HSD17B3: variants seen among roughly 807,000 people sequenced by gnomAD.
HSD17B3 encodes 17-beta-hydroxysteroid dehydrogenase type 3.
In HSD17B3, 29 loss-of-function variants were observed where a neutral mutation model predicts 41.1. The ratio of observed to expected loss-of-function variants is 0.71; its 90% CI spans 0.53 to 0.96. The LOEUF is 0.96. Among genes scored for constraint, HSD17B3 ranks in the 40% least tolerant of loss-of-function variants. HSD17B3 has a pLI of 0.00. For synonymous variants in HSD17B3, 126 were observed against 145.6 expected (o/e 0.87, Z 0.97); for missense variants, 323 against 374.6 (o/e 0.86, Z 1.14).
chr9:96,245,711 A>T (rs1302040068), intron 7 of HSD17B3, among the ~76,000 whole-genome samples: 1 of 152,170 alleles, frequency 6.6e-6, no homozygotes, highest in Non-Finnish European at 1.5e-5. Flanking sequence ...GCTGTGCTAC[A>T]ACTGAGGTCT....
At chr9:96,245,158 G>A (rs906342235) in intron 8 of HSD17B3, among the ~76,000 whole-genome samples, 187 bp downstream of exon 8, 4 of 152,320 alleles carry the variant, frequency 2.6e-5, no homozygotes, top group African/African-American at 9.6e-5. Context: ...GCAGGGCTTC[G>A]TGTGCCCAGA....
intron 7 of HSD17B3, among the ~76,000 whole-genome samples, 181 bp from the exon 8 acceptor site, chr9:96,245,607 G>A (rs570933525): frequency 1.4e-4 from 21 of 152,226 alleles, no homozygotes; most frequent in Admixed American, 1.2e-3. Context: ...CCTGGAGGGC[G>A]CCACACAGAG....
chr9:96,246,410 T>C (rs1183022324), intron 7 of HSD17B3, 146 bp downstream of exon 7: 5 of 765,016 alleles, frequency 6.5e-6, no homozygotes, highest in Non-Finnish European at 9.2e-6. Context: ...ATGTTTTTTT[T>C]CCCATAATCA....
rs115063639 is a variant in HSD17B3, at chr9:96,244,356, T to C, written c.645A>G (p.Glu215=). 2 of 1,614,202 alleles carry C rather than the reference T, an allele frequency of 1.2e-6. No individual in the cohort carries two copies. Among genetic ancestry groups the C allele is most frequent in the Non-Finnish European group, 1.7e-6 (2 of 1,180,018 alleles). ...VCAFSKALQE[E]YKAKEVIIQV... Reference sequence around the variant, plus strand: ...GGATGATGACTTCTTTTGCTTTATATTCCTCTTGCAGGGCCTTGGAAAATG... The same window carrying C: ...GGATGATGACTTCTTTTGCTTTATACTCCTCTTGCAGGGCCTTGGAAAATG... The change falls in exon 9 of 11, where the codon GAA becomes GAG. Residue 215 remains glutamate, a synonymous_variant. Coordinates refer to ENST00000375263, the MANE Select transcript of HSD17B3 (RefSeq NM_000197.2).
intron 2 of HSD17B3, among the ~76,000 whole-genome samples, chr9:96,256,910 G>T (rs1358039091): frequency 2.0e-5 from 3 of 152,014 alleles, no homozygotes; most frequent in Non-Finnish European, 2.9e-5. Flanking sequence ...TGATTGGATC[G>T]TGGGGGCCAT....
intron 2 of HSD17B3, among the ~76,000 whole-genome samples, chr9:96,288,562 C>T (rs542850967): frequency 1.3e-5 from 2 of 152,198 alleles, no homozygotes; most frequent in African/African-American, 4.8e-5. Context: ...AGGAGGATCA[C>T]TTGAGGCCAG....
rs375855473 is a variant in HSD17B3, at chr9:96,240,884, C to G, written c.696G>C (p.Ser232=). The change falls in exon 10 of 11, where the codon TCG becomes TCC. Residue 232 remains serine (S), a synonymous_variant. Coordinates refer to ENST00000375263, the MANE Select transcript of HSD17B3 (RefSeq NM_000197.2). The part of the protein sequence containing the change: ...IIQVLTPYAV[S]TAMTKYLNTN... ...TATTTAGATACTTTGTCATTGCAGT[C>G]GAGACAGCATATGGGGTCAGCACCT... The G allele has an allele frequency of 6.2e-7, 1 of 1,614,114 alleles. No individual in the cohort carries two copies. The highest frequency in any genetic ancestry group is 1.1e-5 in the South Asian group (1 of 91,064).
intron 10 of HSD17B3, chr9:96,239,425 C>A (rs1229074626): frequency 6.6e-6 from 1 of 152,188 alleles, no homozygotes; most frequent in Non-Finnish European, 1.5e-5. Context: ...TGGAAAAAGA[C>A]CAGATCAGCA....
At chr9:96,267,017 C>T (rs1473042014) in intron 2 of HSD17B3, among the ~76,000 whole-genome samples, 2 of 152,152 alleles carry the variant, frequency 1.3e-5, no homozygotes, top group African/African-American at 2.4e-5. Context: ...CCACTCAACA[C>T]AAGGCATGTC....
At chr9:96,292,584 G>A (rs1272698973) in intron 2 of HSD17B3, among the ~76,000 whole-genome samples, 3 of 152,000 alleles carry the variant, frequency 2.0e-5, no homozygotes, top group Non-Finnish European at 4.4e-5. Context: ...CTGACCTCAG[G>A]TGATCCATCC....
At position 96,240,801 on chromosome 9, in the gene HSD17B3, G is replaced by T; in HGVS notation, c.779C>A (p.Thr260Lys). Reference sequence around the variant, plus strand: ...GCAGCCACAGGTTTCACCTCCAATTGTGACATAATTCAATGACTCTTTGAC... The same window carrying T: ...GCAGCCACAGGTTTCACCTCCAATTTTGACATAATTCAATGACTCTTTGAC... ...EFVKESLNYV[T>K]IGGETCGCLA... The change falls in exon 10 of 11, where the codon ACA becomes AAA. Residue 260 changes from threonine to lysine, a missense_variant. By Grantham distance (78) the Thr-to-Lys change is moderately conservative (BLOSUM62 -1). Coordinates refer to ENST00000375263, the MANE Select transcript of HSD17B3 (RefSeq NM_000197.2). 6.2e-7 allele frequency: 1 copy of T among 1,614,168 alleles called. No individual in the cohort carries two copies. Among genetic ancestry groups the T allele is most frequent in the South Asian group, 1.1e-5 (1 of 91,082 alleles).
At chr9:96,294,181 A>G (rs998878956) in intron 2 of HSD17B3, among the ~76,000 whole-genome samples, 8 of 152,198 alleles carry the variant, frequency 5.3e-5, no homozygotes, top group Non-Finnish European at 8.8e-5. Flanking sequence ...TTGGGAGGCC[A>G]AGGCAAGAGG....
At chr9:96,270,955 G>C (rs939716416) in intron 2 of HSD17B3, among the ~76,000 whole-genome samples, 1 of 48,420 alleles carries the variant, frequency 2.1e-5, no homozygotes, top group Non-Finnish European at 5.5e-5. Flanking sequence ...AATCCTCTCG[G>C]GGGGGGGGGT....
intron 2 of HSD17B3, among the ~76,000 whole-genome samples, chr9:96,259,653 T>A (rs1002761494): frequency 2.0e-5 from 3 of 151,528 alleles, no homozygotes; most frequent in African/African-American, 7.3e-5. Flanking sequence ...CCCAGGAGGC[T>A]GAGCTTGCAG....
intron 2 of HSD17B3, among the ~76,000 whole-genome samples, chr9:96,261,341 A>G (rs1825849566): frequency 6.6e-6 from 1 of 152,174 alleles, no homozygotes; most frequent in Non-Finnish European, 1.5e-5. Context: ...GACCATGGGC[A>G]TGTGCCACCA....
At chr9:96,281,957 A>G (rs907193540) in intron 2 of HSD17B3, among the ~76,000 whole-genome samples, 1 of 152,200 alleles carries the variant, frequency 6.6e-6, no homozygotes, top group Non-Finnish European at 1.5e-5. Context: ...GTTTTGATTA[A>G]TGGGAAAAAG....
At chr9:96,245,474 A>G in intron 7 of HSD17B3, 48 bp from the exon 8 acceptor site, 1 of 1,400,716 alleles carries the variant, frequency 7.1e-7, no homozygotes, top group Non-Finnish European at 1.0e-6. Context: ...GCCCTACCTG[A>G]CCTTGAGTAC....
intron 6 of HSD17B3, 59 bp from the exon 7 acceptor site, chr9:96,246,649 G>T: frequency 2.0e-6 from 3 of 1,508,600 alleles, no homozygotes; most frequent in Non-Finnish European, 1.8e-6. Context: ...GCAAGGGGGC[G>T]GGATGGAAAC....
chr9:96,297,877 A>C (rs1342202468), intron 2 of HSD17B3, among the ~76,000 whole-genome samples: 2 of 152,172 alleles, frequency 1.3e-5, no homozygotes. Flanking sequence ...ATAATTATCA[A>C]TCTATCTATC....
Sources: allele counts gnomAD v4.1 joint callset (sites outside exome capture counted in the v4.1 genomes callset), GRCh38; gene constraint gnomAD v4.1.1; transcripts MANE v1.5; gene names NCBI Gene and HGNC (gene_info 2026-07-23, HGNC 2026-07-21).